The following LINGO2 variants were observed in gnomAD, a reference collection of about 807,000 sequenced individuals.
LINGO2 encodes leucine rich repeat and Ig domain containing 2, also known as leucine-rich repeat and immunoglobulin-like domain-containing nogo receptor-interacting protein 2.
LINGO2 carries 14 observed loss-of-function variants against 30.6 expected under a neutral mutation model. That is an observed-to-expected ratio of 0.46 (90% CI 0.30 to 0.72). The LOEUF (loss-of-function observed/expected upper bound fraction) is 0.72. Ranked by LOEUF, LINGO2 falls within the 30% of genes least tolerant of loss-of-function variation. LINGO2 has a pLI of 0.07. For synonymous variants in LINGO2, 317 were observed against 288.5 expected, an observed-to-expected ratio of 1.10 and a Z score of -1.00; for missense variants, 729 against 751.7, an observed-to-expected ratio of 0.97 and a Z score of 0.35.
the LINGO2 span, among the ~76,000 whole-genome samples, chr9:28,939,085 CT>C: frequency 6.6e-6 from 1 of 152,244 alleles, no homozygotes; most frequent in South Asian, 2.1e-4. Context: ...AGCTCTATCC[CT>C]TTTATAGCTC....
the LINGO2 span, among the ~76,000 whole-genome samples, chr9:28,801,840 T>C: frequency 6.6e-6 from 1 of 152,222 alleles, no homozygotes; most frequent in South Asian, 2.1e-4. Context: ...TTAAAATTAA[T>C]GCTACATATA....
chr9:28,673,187 G>C (rs1052086821), upstream of LINGO2, among the ~76,000 whole-genome samples: 1 of 151,998 alleles, frequency 6.6e-6, no homozygotes, highest in Non-Finnish European at 1.5e-5. Context: ...ATGGATAAAA[G>C]AAATCAAAGC....
intron 3 of LINGO2, among the ~76,000 whole-genome samples, chr9:28,339,615 T>C (rs1825701460): frequency 6.6e-6 from 1 of 152,128 alleles, no homozygotes; most frequent in Non-Finnish European, 1.5e-5. Flanking sequence ...CACTAAATAG[T>C]AATATTAGGA....
chr9:28,315,356 T>G (rs1824802312), intron 3 of LINGO2, among the ~76,000 whole-genome samples: 1 of 151,050 alleles, frequency 6.6e-6, no homozygotes, highest in Admixed American at 6.6e-5. Flanking sequence ...GAGCCAAGAT[T>G]GTGCCACTGC....
intron 1 of LINGO2, among the ~76,000 whole-genome samples, chr9:28,479,898 TATATATACGTAG>T (rs1268726865): frequency 4.8e-5 from 6 of 125,160 alleles, no homozygotes; most frequent in African/African-American, 1.8e-4. Flanking sequence ...TGTGTATGTG[TATATATACGTAG>T]GTATATATAT....
At chr9:29,212,701 T>C in the LINGO2 span, among the ~76,000 whole-genome samples, 1 of 152,102 alleles carries the variant, frequency 6.6e-6, no homozygotes, top group South Asian at 2.1e-4. Context: ...CGTTTTCCAA[T>C]AGGTTTCAGA....
intron 4 of LINGO2, among the ~76,000 whole-genome samples, chr9:28,055,889 T>A (rs543071167): frequency 6.6e-6 from 1 of 152,160 alleles, no homozygotes; most frequent in African/African-American, 2.4e-5. Flanking sequence ...AAAAGTTAAA[T>A]GTGGCTGATT....
chr9:27,989,741 A>AC (rs1169913560), intron 5 of LINGO2, among the ~76,000 whole-genome samples: 1 of 152,006 alleles, frequency 6.6e-6, no homozygotes, highest in Admixed American at 6.6e-5. Context: ...TTTAGTTCTC[A>AC]CCCCAACAAG....
the LINGO2 span, among the ~76,000 whole-genome samples, chr9:29,100,984 G>T: frequency 2.6e-5 from 4 of 152,174 alleles, no homozygotes; most frequent in African/African-American, 9.7e-5. Context: ...GTAGCAGTAG[G>T]AATGGAGAAG....
intron 2 of LINGO2, among the ~76,000 whole-genome samples, chr9:28,399,447 A>G (rs1587614629): frequency 6.6e-6 from 1 of 152,216 alleles, no homozygotes; most frequent in Non-Finnish European, 1.5e-5. Flanking sequence ...TAATTTGTAG[A>G]TTTACATGTA....
intron 3 of LINGO2, among the ~76,000 whole-genome samples, chr9:28,344,308 T>A (rs1407647101): frequency 6.6e-6 from 1 of 152,010 alleles, no homozygotes; most frequent in Non-Finnish European, 1.5e-5. Flanking sequence ...ATATGAGCAC[T>A]AAGAAAAAAT....
intron 4 of LINGO2, among the ~76,000 whole-genome samples, chr9:28,117,953 CAG>C: frequency 6.6e-6 from 1 of 152,146 alleles, no homozygotes; most frequent in East Asian, 1.9e-4. Flanking sequence ...TAAAAGAGTC[CAG>C]AGATAGGAAT....
At chr9:28,602,237 A>G (rs1218717707) in intron 1 of LINGO2, among the ~76,000 whole-genome samples, 1 of 152,080 alleles carries the variant, frequency 6.6e-6, no homozygotes, top group African/African-American at 2.4e-5. Flanking sequence ...TTAGTCATTC[A>G]TTGGCTTGGG....
chr9:28,137,150 C>T (rs1455843519), intron 4 of LINGO2, among the ~76,000 whole-genome samples: 5 of 151,078 alleles, frequency 3.3e-5, no homozygotes, highest in African/African-American at 1.2e-4. Context: ...TGAGCCAATA[C>T]CTTATGATAA....
At chr9:28,305,857 T>C (rs574720455) in intron 3 of LINGO2, among the ~76,000 whole-genome samples, 51 of 152,216 alleles carry the variant, frequency 3.4e-4, no homozygotes, top group African/African-American at 1.2e-3. Context: ...TGGCTCCTTG[T>C]CAAAGTCAGC....
At chr9:28,929,227 G>A in the LINGO2 span, among the ~76,000 whole-genome samples, 1 of 152,212 alleles carries the variant, frequency 6.6e-6, no homozygotes, top group Non-Finnish European at 1.5e-5. Context: ...ACATGACACA[G>A]TAGAGAGTGA....
rs545180693 is a variant in LINGO2 at position 28,150,059 on chromosome 9, C to A, written c.-86-137654G>T. 7.9e-5 allele frequency among the ~76,000 whole-genome samples: 12 copies of A among 151,788 alleles called. No homozygotes were observed. In the South Asian group the frequency reaches 2.5e-3, roughly 32 times the overall value. On this transcript the variant is annotated intron_variant, in intron 4 of 5. Coordinates refer to ENST00000379992, the Ensembl canonical transcript of LINGO2. ...TCACCATCTGGGAAATGAGGAGCGC[C>A]TCTGCCTGGCCACCATCCCATCTGG...
At chr9:28,585,546 C>T (rs1385545367) in intron 1 of LINGO2, among the ~76,000 whole-genome samples, 1 of 151,118 alleles carries the variant, frequency 6.6e-6, no homozygotes, top group Non-Finnish European at 1.5e-5. Context: ...ATATTCAACA[C>T]TTTATAAAAT....
At chr9:28,847,798 GTATAGTATATATGTATATATACATATATA>G in the LINGO2 span, among the ~76,000 whole-genome samples, 63,263 of 126,942 alleles carry the variant, frequency 0.5, 17,473 homozygotes, top group Middle Eastern at 0.6. Flanking sequence ...ACACATATAT[GTATAGTATATATGTATATATACATATATA>G]TGTATAGTAT....
Sources: gnomAD v4.1 joint callset for allele counts (sites outside exome capture counted in the v4.1 genomes callset) on GRCh38, gnomAD v4.1.1 for gene constraint, MANE v1.5 for transcripts, NCBI Gene and HGNC (gene_info 2026-07-23, HGNC 2026-07-21) for gene names.